The following ZBTB7C variants were observed in gnomAD, a reference collection of about 807,000 sequenced individuals.
ZBTB7C encodes zinc finger and BTB domain-containing protein 7C.
Under a neutral mutation model 25.7 loss-of-function variants are expected in ZBTB7C, and 8 were observed. That is an observed-to-expected ratio of 0.31 (90% confidence interval 0.18 to 0.56). ZBTB7C has a LOEUF of 0.56. ZBTB7C is among the 20% of genes least tolerant of loss of function. The probability of loss-of-function intolerance (pLI) is 0.91; values close to 1 mark genes in which losing one functional copy is unlikely to be tolerated. For synonymous variants in ZBTB7C, 394 were observed against 369.0 expected, an observed-to-expected ratio of 1.07 and a Z score of -0.78; for missense variants, 824 against 855.2, an observed-to-expected ratio of 0.96 and a Z score of 0.46.
chr18:48,252,786 T>C (rs2043906261), intron 2 of ZBTB7C: 1 of 152,142 alleles, frequency 6.6e-6, no homozygotes, highest in Admixed American at 6.5e-5. Flanking sequence ...CCTCCACCCA[T>C]GGAATAAGCC....
intron 3 of ZBTB7C, among the ~76,000 whole-genome samples, chr18:48,066,823 C>T (rs145852365): frequency 8.0e-4 from 122 of 152,300 alleles, no homozygotes; most frequent in African/African-American, 2.9e-3. Flanking sequence ...CTAGCTCTGC[C>T]GGGTGTGGTG....
intron 3 of ZBTB7C, among the ~76,000 whole-genome samples, chr18:48,111,100 T>C (rs1275990361): frequency 1.3e-5 from 2 of 152,020 alleles, no homozygotes; most frequent in East Asian, 3.9e-4. Context: ...TCACCAAGCA[T>C]TGCGGTGAGA....
chr18:48,226,037 A>G (rs893091515), intron 2 of ZBTB7C, among the ~76,000 whole-genome samples: 1 of 152,210 alleles, frequency 6.6e-6, no homozygotes, highest in African/African-American at 2.4e-5. Context: ...CACCGCGCCC[A>G]GCCTGAGGAA....
intron 2 of ZBTB7C, among the ~76,000 whole-genome samples, chr18:48,261,316 G>T (rs923050287): frequency 4.6e-5 from 7 of 152,258 alleles, no homozygotes; most frequent in Admixed American, 4.6e-4. Flanking sequence ...GCAGACAGGG[G>T]CTCCATGATC....
rs373810163 is a variant in ZBTB7C, at chr18:48,161,011, C to T, written c.-17+24923G>A. On this transcript the variant is annotated intron_variant, in intron 3 of 4. Coordinates refer to ENST00000590800, the MANE Select transcript of ZBTB7C (RefSeq NM_001318841.2). ...TGATTGCAGACACCTTCAAGCAAAA[C>T]GCACACAGCCATGAGAAGGGTGTGG... 5.4e-5 allele frequency among the ~76,000 whole-genome samples: 8 copies of T among 148,776 alleles called. No individual in the cohort carries two copies. The East Asian group carries it at 1.6e-3, about 30-fold the overall frequency.
chr18:48,324,881 G>A (rs971111729), intron 2 of ZBTB7C, among the ~76,000 whole-genome samples: 5 of 152,186 alleles, frequency 3.3e-5, no homozygotes, highest in African/African-American at 1.2e-4. Context: ...CAGGAGCAGA[G>A]AGAAGTGGCA....
At chr18:48,284,806 AAAAAACAG>A (rs2044988956) in intron 2 of ZBTB7C, among the ~76,000 whole-genome samples, 1 of 146,222 alleles carries the variant, frequency 6.8e-6, no homozygotes, top group African/African-American at 2.6e-5. Flanking sequence ...AAAAAAAAAA[AAAAAACAG>A]AGAGAGAGAG....
At position 48,379,052 on chromosome 18, in the gene ZBTB7C, C is replaced by G. The variant is rs117159894; in HGVS notation, c.-304+30174G>C. On this transcript the variant is annotated intron_variant, in intron 1 of 4. Coordinates refer to ENST00000590800, the MANE Select transcript of ZBTB7C (RefSeq NM_001318841.2). The stretch of plus-strand genomic sequence containing the variant: ...TATGAGGGGTTTATTAGGACATAAT[C>G]CTATGGTAAGTTAAGGAGCATCTGT... Among the ~76,000 whole-genome samples, 16 of 152,268 alleles carry G rather than the reference C, an allele frequency of 1.1e-4. No individual in the cohort carries two copies. In the East Asian group the frequency reaches 3.1e-3, roughly 29 times the overall value.
chr18:48,120,401 G>A (rs9956749), intron 3 of ZBTB7C, among the ~76,000 whole-genome samples: 1,632 of 152,168 alleles, frequency 0.011, 37 homozygotes, highest in African/African-American at 0.036. Context: ...TGAGGCGGGC[G>A]GATCACTTGA....
intron 3 of ZBTB7C, among the ~76,000 whole-genome samples, chr18:48,106,622 A>G (rs1473031689): frequency 6.6e-6 from 1 of 152,168 alleles, no homozygotes; most frequent in African/African-American, 2.4e-5. Context: ...TGGTTTTATG[A>G]GTATCTACAA....
rs2046500381 is a variant in ZBTB7C at position 48,338,194 on chromosome 18, T to A, written c.-99A>T. 1 of 152,248 alleles carries A rather than the reference T, an allele frequency of 6.6e-6. No individual in the cohort carries two copies. The highest frequency in any genetic ancestry group is 6.5e-5 in the Admixed American group (1 of 15,290). 9.4% of individuals were successfully genotyped at this position (152,248 alleles called of 1,614,324 possible). ...ATTACCTGTCATTACACCATGTACA[T>A]GTCACCAGGGGCCAAAGCATTGATT... On this transcript the variant is annotated 5_prime_UTR_variant, in exon 2 of 5. It removes an upstream start codon present in the reference 5' UTR. Transcript: ENST00000590800.
chr18:48,226,580 G>A (rs1212698922), intron 2 of ZBTB7C, among the ~76,000 whole-genome samples: 1 of 152,144 alleles, frequency 6.6e-6, no homozygotes, highest in African/African-American at 2.4e-5. Context: ...CAAGCACCTG[G>A]GGGTAAAATA....
intron 1 of ZBTB7C, among the ~76,000 whole-genome samples, chr18:48,352,751 G>T (rs902691510): frequency 6.6e-6 from 1 of 152,146 alleles, no homozygotes; most frequent in African/African-American, 2.4e-5. Context: ...ACTGGGCTAA[G>T]TTCAGGACAG....
intron 2 of ZBTB7C, among the ~76,000 whole-genome samples, chr18:48,187,398 C>A (rs2042082155): frequency 6.6e-6 from 1 of 152,160 alleles, no homozygotes; most frequent in Non-Finnish European, 1.5e-5. Flanking sequence ...AATTCGGATA[C>A]AGGCTACAGC....
intron 2 of ZBTB7C, among the ~76,000 whole-genome samples, chr18:48,301,781 T>C (rs557199217): frequency 6.6e-6 from 1 of 152,260 alleles, no homozygotes; most frequent in African/African-American, 2.4e-5. Context: ...CTACTTTTAA[T>C]TGCAAGGTCT....
intron 3 of ZBTB7C, among the ~76,000 whole-genome samples, chr18:48,172,189 C>T (rs1026266972): frequency 2.6e-5 from 4 of 152,154 alleles, no homozygotes; most frequent in African/African-American, 9.7e-5. Flanking sequence ...GCAGTGGATT[C>T]GGCCACAGAC....
intron 2 of ZBTB7C, among the ~76,000 whole-genome samples, chr18:48,317,296 G>C (rs12953750): frequency 1.4e-5 from 2 of 146,658 alleles, no homozygotes; most frequent in Non-Finnish European, 3.0e-5. Flanking sequence ...CTCAAAAAAT[G>C]TGGCCCTTTC....
intron 2 of ZBTB7C, among the ~76,000 whole-genome samples, chr18:48,265,856 G>GC (rs1163033401): frequency 6.6e-6 from 1 of 152,222 alleles, no homozygotes; most frequent in Non-Finnish European, 1.5e-5. Flanking sequence ...ATGTGATTCT[G>GC]CACTGGGCCC....
intron 3 of ZBTB7C, among the ~76,000 whole-genome samples, chr18:48,082,173 T>C (rs924655897): frequency 2.0e-5 from 3 of 152,166 alleles, no homozygotes; most frequent in Non-Finnish European, 4.4e-5. Flanking sequence ...AGCATTTGTT[T>C]TTCACAAAAT....
Sources: allele counts gnomAD v4.1 joint callset (sites outside exome capture counted in the v4.1 genomes callset), GRCh38; gene constraint gnomAD v4.1.1; transcripts MANE v1.5; gene names NCBI Gene and HGNC (gene_info 2026-07-23, HGNC 2026-07-21).